TH: variants seen among roughly 807,000 people sequenced by gnomAD.
The protein encoded by TH is tyrosine 3-monooxygenase.
Under a neutral mutation model 57.4 loss-of-function variants are expected in TH, and 49 were observed. That is an observed-to-expected ratio of 0.85 (90% CI 0.68 to 1.08). The LOEUF is 1.08. Ranked by LOEUF, TH falls within the 50% of genes least tolerant of loss-of-function variation. TH has a pLI of 0.00. For synonymous variants in TH, 330 were observed against 304.5 expected, an observed-to-expected ratio of 1.08 and a Z score of -0.87; for missense variants, 720 against 696.7, an observed-to-expected ratio of 1.03 and a Z score of -0.38.
chr11:2,166,250 T>C, intron 9 of TH, 192 bp from the exon 10 acceptor site: 2 of 866,672 alleles, frequency 2.3e-6, no homozygotes, highest in Non-Finnish European at 3.5e-6. Flanking sequence ...TTGACCACAT[T>C]CCTAAGCCCG....
chr11:2,170,408 G>A lies in TH; in HGVS notation c.91-537C>T, dbSNP rs567892720. Among the ~76,000 whole-genome samples, 4 of 152,164 alleles carry A rather than the reference G, an allele frequency of 2.6e-5. No individual in the cohort carries two copies. The highest frequency in any genetic ancestry group is 9.6e-5 in the African/African-American group (4 of 41,520). ...TGCCCCTCTGTGCCACCCCGCAGGC[G>A]CCCGCTCCTGGCTGCCTTGTCATCC... On this transcript the variant is annotated intron_variant, in intron 1 of 12. Transcript: ENST00000352909. The surrounding 1 kb of genome is among the most constrained non-coding windows in gnomAD (Gnocchi z 6.0).
Position 2,170,895 on chromosome 11 carries a change from A to G in TH, c.90+802T>C, listed in dbSNP as rs1236257270. On this transcript the variant is annotated intron_variant, in intron 1 of 12. Coordinates refer to ENST00000352909, the MANE Select transcript of TH (RefSeq NM_000360.4). This position sits in a 1 kb window ranked among gnomAD's most constrained non-coding sequence, Gnocchi z 6.0. ...AAATGACACTGCTACAACTCACACCACATTTCAATCAAGGTCCATAAATAA... is the reference window on the plus strand; with the variant it reads ...AAATGACACTGCTACAACTCACACCGCATTTCAATCAAGGTCCATAAATAA... 8 of 609,676 alleles carry G rather than the reference A, an allele frequency of 1.3e-5. No homozygotes were observed. The highest frequency in any genetic ancestry group is 8.7e-6 in the Non-Finnish European group (3 of 344,476). 37.8% of individuals were successfully genotyped at this position (609,676 alleles called of 1,614,324 possible).
At chr11:2,169,534 G>A (rs1846194504) in intron 2 of TH, 116 bp downstream of exon 2, 1 of 996,812 alleles carries the variant, frequency 1.0e-6, no homozygotes, top group South Asian at 1.3e-5. Context: ...TGCATCCTGT[G>A]CCGGCCTCGG....
chr11:2,166,150 G>A, intron 9 of TH, 92 bp from the exon 10 acceptor site: 1 of 1,407,538 alleles, frequency 7.1e-7, no homozygotes, highest in Non-Finnish European at 9.8e-7. Flanking sequence ...CCCTCCAGGG[G>A]TCTCTGGGAC....
chr11:2,170,223 C>G lies in TH; in HGVS notation c.91-352G>C, dbSNP rs1182797864. ...AACTGGATTAGTGATGGGAAGAGGG[C>G]GATGTCTTGATGGACAGTGGCATCG... On this transcript the variant is annotated intron_variant, in intron 1 of 12. Coordinates refer to ENST00000352909, the MANE Select transcript of TH (RefSeq NM_000360.4). The surrounding 1 kb of genome is among the most constrained non-coding windows in gnomAD (Gnocchi z 6.0). Among the ~76,000 whole-genome samples, 1 of 152,096 alleles carries G rather than the reference C, an allele frequency of 6.6e-6. No homozygotes were observed. The highest frequency in any genetic ancestry group is 1.9e-4 in the East Asian group (1 of 5,184).
At chr11:2,164,521 A>T in intron 12 of TH, 129 bp from the exon 13 acceptor site, 3 of 1,105,492 alleles carry the variant, frequency 2.7e-6, no homozygotes, top group Non-Finnish European at 3.7e-6. Context: ...TTCTGAGCCA[A>T]CTGGTCACAG....
Position 2,171,017 on chromosome 11 carries a change from G to A in TH, c.90+680C>T, listed in dbSNP as rs1846239716. On this transcript the variant is annotated intron_variant, in intron 1 of 12. Coordinates refer to ENST00000352909, the MANE Select transcript of TH (RefSeq NM_000360.4). This position sits in a 1 kb window ranked among gnomAD's most constrained non-coding sequence, Gnocchi z 8.6. ...GGGCTGAAAAGCTCCCGATTATCCAGCCTGGCCCACACAGTCCCCTGTACA... is the reference window on the plus strand; with the variant it reads ...GGGCTGAAAAGCTCCCGATTATCCAACCTGGCCCACACAGTCCCCTGTACA... 6.6e-6 allele frequency among the ~76,000 whole-genome samples: 1 copy of A among 152,108 alleles called. No individual in the cohort carries two copies.
rs11826260 is a variant in TH at position 2,166,492 on chromosome 11, C to A, written c.1035G>T (p.Ala345=). 4,772 of 1,591,946 alleles carry A rather than the reference C, an allele frequency of 3.0e-3. 121 individuals carry two copies. In the African/African-American group the frequency reaches 0.052, roughly 17 times the overall value. Residue 345 remains alanine, a synonymous_variant, in exon 9 of 13, where the codon GCG becomes GCT. Transcript: ENST00000352909. Reference sequence around the variant, plus strand: ...GGCCGCGGCGTACCTGCGAGAACTGCGCGAAGGTGCGGTCGGCCAGCATGG... The same window carrying A: ...GGCCGCGGCGTACCTGCGAGAACTGAGCGAAGGTGCGGTCGGCCAGCATGG... The part of the protein sequence containing the change: ...HVPMLADRTF[A]QFSQDIGLAS...
rs933425557 is a variant in TH, at chr11:2,171,755, G to A, written c.32C>T (p.Ala11Val). 6.2e-7 allele frequency: 1 copy of A among 1,612,786 alleles called. No homozygotes were observed. Among genetic ancestry groups the A allele is most frequent in the Admixed American group, 1.7e-5 (1 of 60,010 alleles). MPTPDATTPQ[A>V]KGFRRAVSEL... ...AGACACGGCCCTGCGGAAGCCCTTGGCCTGTGGCGTGGTGGCGTCGGGGGT... is the reference window on the plus strand; with the variant it reads ...AGACACGGCCCTGCGGAAGCCCTTGACCTGTGGCGTGGTGGCGTCGGGGGT... Residue 11 changes from alanine to valine, a missense_variant, in exon 1 of 13, where the codon GCC (alanine) becomes GTC (valine). Transcript: ENST00000352909. The surrounding 1 kb of genome is among the most constrained non-coding windows in gnomAD (Gnocchi z 8.6).
In TH at chr11:2,165,241, T is replaced by A; in HGVS notation, c.1325A>T (p.Asp442Val). The A allele has an allele frequency of 6.2e-7, 1 of 1,612,866 alleles. No individual in the cohort carries two copies. The highest frequency in any genetic ancestry group is 8.5e-7 in the Non-Finnish European group (1 of 1,179,980). The stretch of plus-strand genomic sequence containing the variant: ...TAGCAGCCTAGCCCACCTGAGCTTG[T>A]CCTTGGCGTCACTGAAGCTCTCAGA... ...FVSESFSDAK[D>V]KLRSYASRIQ... The change falls in exon 12 of 13, where the codon GAC (aspartate) becomes GTC (valine). Residue 442 changes from aspartate to valine, a missense_variant. By Grantham distance (152) the Asp-to-Val change is radical. Coordinates refer to ENST00000352909, the MANE Select transcript of TH (RefSeq NM_000360.4).
chr11:2,169,991 G>A lies in TH; in HGVS notation c.91-120C>T, dbSNP rs776415417. On this transcript the variant is annotated intron_variant, in intron 1 of 12. Coordinates refer to ENST00000352909, the MANE Select transcript of TH (RefSeq NM_000360.4). The stretch of plus-strand genomic sequence containing the variant: ...ACACAGAGGCAGGGGATGAGAGCAC[G>A]TTTTTGAGCGCCTACTGTGTGCCTG... 80 of 1,030,204 alleles carry A rather than the reference G, an allele frequency of 7.8e-5. No homozygotes were observed. In the Middle Eastern group the frequency reaches 1.5e-3, roughly 19 times the overall value. The allele number at this position is 1,030,204 out of a possible 1,614,324, so 63.8% of individuals were successfully genotyped here. A position where few individuals can be genotyped will look rare whatever the true frequency, so the allele number is the denominator to read the frequency against.
Position 2,165,663 on chromosome 11 carries a change from C to T in TH, c.1200+5G>A. The stretch of plus-strand genomic sequence containing the variant: ...CTGGGGGCTGCAGCAAGGAGAGACT[C>T]TCACCAGGAGCTCCCCGTAGGAGGA... On this transcript the variant is annotated splice_donor_5th_base_variant and intron_variant, in intron 11 of 12. Transcript: ENST00000352909. The T allele has an allele frequency of 3.1e-6, 5 of 1,612,624 alleles. No homozygotes were observed. Among genetic ancestry groups the T allele is most frequent in the Non-Finnish European group, 4.2e-6 (5 of 1,179,878 alleles).
At chr11:2,166,347 G>C (rs1230497353) in intron 9 of TH, 133 bp downstream of exon 9, 7 of 1,245,038 alleles carry the variant, frequency 5.6e-6, no homozygotes, top group South Asian at 4.5e-5. Flanking sequence ...CGCGACCCTC[G>C]GGGCGCCGAG....
rs1408615087 is a variant in TH, at chr11:2,171,727, C to G, written c.60G>C (p.Glu20Asp). The change falls in exon 1 of 13, where the codon GAG becomes GAC. Residue 20 changes from glutamate (E) to aspartate (D), a missense_variant. By Grantham distance (45) the Glu-to-Asp change is conservative. Transcript: ENST00000352909. The surrounding 1 kb of genome is among the most constrained non-coding windows in gnomAD (Gnocchi z 8.6). ...QAKGFRRAVS[E>D]LDAKQAEAIM... ...TGGCCTCTGCCTGCTTGGCGTCCAG[C>G]TCAGACACGGCCCTGCGGAAGCCCT... 1.2e-6 allele frequency: 2 copies of G among 1,612,784 alleles called. No homozygotes were observed. Among genetic ancestry groups the G allele is most frequent in the Admixed American group, 3.3e-5 (2 of 59,996 alleles).
chr11:2,164,274 C>T lies in TH; in HGVS notation c.1453G>A (p.Glu485Lys), dbSNP rs1448099966. 2.0e-6 allele frequency: 3 copies of T among 1,502,296 alleles called. No individual in the cohort carries two copies. Among genetic ancestry groups the T allele is most frequent in the Non-Finnish European group, 2.7e-6 (3 of 1,123,298 alleles). 93.1% of individuals were successfully genotyped at this position (1,502,296 alleles called of 1,614,324 possible). A position where few individuals can be genotyped will look rare whatever the true frequency, so the allele number is the denominator to read the frequency against. The change falls in exon 13 of 13, where the codon GAG becomes AAG. Residue 485 changes from glutamate to lysine, a missense_variant. Coordinates refer to ENST00000352909, the MANE Select transcript of TH (RefSeq NM_000360.4). ...AGCGCATGGGCAAGGGTGTCCAGCTCATCCTGGACACCCTCCAGGGAGCGC... is the reference window on the plus strand; with the variant it reads ...AGCGCATGGGCAAGGGTGTCCAGCTTATCCTGGACACCCTCCAGGGAGCGC... ...VRRSLEGVQDELDTLAHALSA... is the reference protein window; with the variant it reads ...VRRSLEGVQDKLDTLAHALSA...
Position 2,164,277 on chromosome 11 carries a change from C to T in TH, c.1450G>A (p.Asp484Asn). The stretch of plus-strand genomic sequence containing the variant: ...GCATGGGCAAGGGTGTCCAGCTCAT[C>T]CTGGACACCCTCCAGGGAGCGCCGC... ...AVRRSLEGVQ[D>N]ELDTLAHALS... is the part of the protein sequence containing the mutation. Residue 484 changes from aspartate (D) to asparagine (N), a missense_variant, in exon 13 of 13, where the codon GAT (aspartate) becomes AAT (asparagine). Coordinates refer to ENST00000352909, the MANE Select transcript of TH (RefSeq NM_000360.4). The T allele has an allele frequency of 6.7e-7, 1 of 1,502,786 alleles. No homozygotes were observed. Among genetic ancestry groups the T allele is most frequent in the Non-Finnish European group, 8.9e-7 (1 of 1,123,208 alleles). The allele number at this position is 1,502,786 out of a possible 1,614,324, so 93.1% of individuals were successfully genotyped here.
intron 6 of TH, 22 bp from the exon 7 acceptor site, chr11:2,167,054 G>A (rs1564918344): frequency 2.6e-6 from 4 of 1,565,690 alleles, no homozygotes; most frequent in South Asian, 2.4e-5. Context: ...CAGGCTCAGG[G>A]CCCTCTAATG....
chr11:2,168,277 C>T, intron 3 of TH, 98 bp from the exon 4 acceptor site: 1 of 1,435,028 alleles, frequency 7.0e-7, no homozygotes, highest in Non-Finnish European at 9.7e-7. Flanking sequence ...TTCCGGGGGG[C>T]AGAGGCAGCC....
chr11:2,166,599 C>G (rs761823684), intron 8 of TH, 34 bp downstream of exon 8: 2 of 1,583,824 alleles, frequency 1.3e-6, no homozygotes, highest in Non-Finnish European at 1.7e-6. Context: ...TCGCACCCCC[C>G]ACCCTCGGGC....
Sources: gnomAD v4.1 joint callset for allele counts (sites outside exome capture counted in the v4.1 genomes callset) on GRCh38, gnomAD v4.1.1 for gene constraint, Gnocchi (gnomAD v3.1) non-coding constraint, MANE v1.5 for transcripts, NCBI Gene and HGNC (gene_info 2026-07-23, HGNC 2026-07-21) for gene names.